Variants in BANK1 observed in about 807,000 individuals in gnomAD.
BANK1 encodes B cell scaffold protein with ankyrin repeats 1, also known as B-cell scaffold protein with ankyrin repeats.
In BANK1, 95 loss-of-function variants were observed where a neutral mutation model predicts 94.5. The observed-to-expected ratio is 1.00, with a 90% CI of 0.85 to 1.19. The LOEUF (loss-of-function observed/expected upper bound fraction) is 1.19. Among genes scored for constraint, BANK1 ranks in the 50% most tolerant of loss-of-function variants. The pLI, the probability that BANK1 is intolerant of heterozygous loss-of-function variation, is 0.00. For missense variants in BANK1, 987 were observed against 932.2 expected, an observed-to-expected ratio of 1.06 and a Z score of -0.77; for synonymous variants, 334 against 308.4, an observed-to-expected ratio of 1.08 and a Z score of -0.87.
At chr4:102,032,353 CTGT>C in intron 10 of BANK1, 1 of 152,156 alleles carries the variant, frequency 6.6e-6, no homozygotes, top group Non-Finnish European at 1.5e-5. Context: ...GTCTTGTTCT[CTGT>C]TGTTCTTTTT....
chr4:101,953,639 T>A (rs1241144428), intron 7 of BANK1, among the ~76,000 whole-genome samples: 1 of 152,072 alleles, frequency 6.6e-6, no homozygotes, highest in Non-Finnish European at 1.5e-5. Context: ...CCTGACTTGA[T>A]GCTCACTTCA....
chr4:101,929,529 T>C (rs1221010478), intron 7 of BANK1, among the ~76,000 whole-genome samples: 1 of 151,628 alleles, frequency 6.6e-6, no homozygotes, highest in Non-Finnish European at 1.5e-5. Context: ...GTATATGGCT[T>C]TCAAAACGAA....
intron 1 of BANK1, among the ~76,000 whole-genome samples, chr4:101,797,190 A>G (rs1226245504): frequency 1.3e-5 from 2 of 152,098 alleles, no homozygotes; most frequent in African/African-American, 4.8e-5. Flanking sequence ...AGTGACAGGA[A>G]CAAATTAATA....
chr4:102,053,076 A>T (rs551412113), intron 11 of BANK1, among the ~76,000 whole-genome samples: 176 of 152,368 alleles, frequency 1.2e-3, no homozygotes, highest in African/African-American at 4.0e-3. Flanking sequence ...TAAATCAGTG[A>T]CGTAGAGAAC....
chr4:101,831,173 T>C (rs1416362184), intron 2 of BANK1, among the ~76,000 whole-genome samples: 1 of 152,100 alleles, frequency 6.6e-6, no homozygotes, highest in Admixed American at 6.5e-5. Flanking sequence ...AACCTTCCTT[T>C]ATCTTCATTT....
intron 11 of BANK1, among the ~76,000 whole-genome samples, chr4:102,059,269 TC>T (rs1728334847): frequency 6.6e-6 from 1 of 152,164 alleles, no homozygotes; most frequent in Admixed American, 6.6e-5. Flanking sequence ...CTGGCTATTC[TC>T]TCCTTTCAGA....
At chr4:102,046,120 G>T (rs1245886208) in intron 11 of BANK1, among the ~76,000 whole-genome samples, 1 of 151,252 alleles carries the variant, frequency 6.6e-6, no homozygotes, top group Non-Finnish European at 1.5e-5. Context: ...ACAGAACAGA[G>T]CCCTCAGAAA....
At chr4:101,799,083 T>C (rs1303202376) in intron 1 of BANK1, among the ~76,000 whole-genome samples, 2 of 152,226 alleles carry the variant, frequency 1.3e-5, no homozygotes, top group African/African-American at 4.8e-5. Flanking sequence ...TCTCAGGTTT[T>C]TACGGTTTTA....
intron 6 of BANK1, among the ~76,000 whole-genome samples, chr4:101,898,606 G>A (rs1338975104): frequency 1.3e-5 from 2 of 152,018 alleles, no homozygotes; most frequent in Non-Finnish European, 2.9e-5. Context: ...CCTACCGTAA[G>A]GATTTGTCAT....
intron 7 of BANK1, among the ~76,000 whole-genome samples, chr4:101,940,161 C>G (rs1723694719): frequency 6.6e-6 from 1 of 151,190 alleles, no homozygotes; most frequent in Admixed American, 6.6e-5. Flanking sequence ...ACTTATTTCT[C>G]TAGATAAATG....
chr4:101,790,737 G>A lies in BANK1; in HGVS notation c.-144G>A. 1 of 889,836 alleles carries A rather than the reference G, an allele frequency of 1.1e-6. No homozygotes were observed. Among genetic ancestry groups the A allele is most frequent in the South Asian group, 1.5e-5 (1 of 66,848 alleles). The allele number at this position is 889,836 out of a possible 1,614,324, so 55.1% of individuals were successfully genotyped here. On this transcript the variant is annotated 5_prime_UTR_variant, in exon 1 of 17. Coordinates refer to ENST00000322953, the MANE Select transcript of BANK1 (RefSeq NM_017935.5). The stretch of plus-strand genomic sequence containing the variant: ...CCCGGGGCTGCGTTTCCTGAGACCT[G>A]GCCGCAGCCTCCGCGGGTGGCAAGC...
intron 7 of BANK1, among the ~76,000 whole-genome samples, chr4:101,936,413 A>G (rs1189098455): frequency 2.0e-5 from 3 of 150,334 alleles, no homozygotes; most frequent in African/African-American, 4.9e-5. Context: ...GTGCGTATGC[A>G]TGTATACATG....
At chr4:101,796,759 A>G (rs67800004) in intron 1 of BANK1, among the ~76,000 whole-genome samples, 1 of 151,976 alleles carries the variant, frequency 6.6e-6, no homozygotes, top group African/African-American at 2.4e-5. Flanking sequence ...ATTTTTACTT[A>G]TCTGAAAATT....
chr4:101,997,719 A>G (rs1459733134), intron 7 of BANK1, among the ~76,000 whole-genome samples: 1 of 152,086 alleles, frequency 6.6e-6, no homozygotes, highest in Non-Finnish European at 1.5e-5. Context: ...AGAGGTGTTT[A>G]TAGTATTCTC....
At chr4:101,952,903 G>A (rs560703801) in intron 7 of BANK1, among the ~76,000 whole-genome samples, 36 of 152,226 alleles carry the variant, frequency 2.4e-4, no homozygotes, top group African/African-American at 8.4e-4. Flanking sequence ...AACAAAACCA[G>A]TAATTTTGAC....
chr4:102,060,269 T>C lies in BANK1; in HGVS notation c.2028T>C (p.Gly676=), dbSNP rs768071770. 2.5e-5 allele frequency: 40 copies of C among 1,608,698 alleles called. No homozygotes were observed. Among genetic ancestry groups the C allele is most frequent in the Non-Finnish European group, 3.3e-5 (39 of 1,178,254 alleles). The change falls in exon 12 of 17, where the codon GGT becomes GGC. Residue 676 remains glycine, a synonymous_variant. Coordinates refer to ENST00000322953, the MANE Select transcript of BANK1 (RefSeq NM_017935.5). ...CTCTCAGGGGCTGTCTAACTGATGG[T>C]CAGGAAGAACTCATCCTCCTGCAGG... ...FSTLRGCLTD[G]QEELILLQEK... is the part of the protein sequence containing the mutation.
At position 101,830,233 on chromosome 4, in the gene BANK1, T is replaced by A. The variant is rs779717055; in HGVS notation, c.469+27T>A. 3 of 1,425,124 alleles carry A rather than the reference T, an allele frequency of 2.1e-6. No individual in the cohort carries two copies. In the South Asian group the frequency reaches 4.7e-5, roughly 22 times the overall value. 88.3% of individuals were successfully genotyped at this position (1,425,124 alleles called of 1,614,324 possible). A position where few individuals can be genotyped will look rare whatever the true frequency, so the allele number is the denominator to read the frequency against. ...TAGTGTTGCCAAACCTTGTTTGTTT[T>A]ATTTTTATTTGTTTTTTTTTTTTTG... On this transcript the variant is annotated intron_variant, in intron 2 of 16. Transcript: ENST00000322953.
At chr4:102,046,212 A>C (rs1305976545) in intron 11 of BANK1, among the ~76,000 whole-genome samples, 1 of 152,008 alleles carries the variant, frequency 6.6e-6, no homozygotes, top group East Asian at 1.9e-4. Context: ...CTATTTAATA[A>C]ATGGTGCTGG....
chr4:101,831,505 C>T (rs927281025), intron 2 of BANK1, among the ~76,000 whole-genome samples: 11 of 152,266 alleles, frequency 7.2e-5, no homozygotes, highest in Admixed American at 2.6e-4. Flanking sequence ...GACAGAGTCT[C>T]GCTCTGTCAT....
Sources: allele counts gnomAD v4.1 joint callset (sites outside exome capture counted in the v4.1 genomes callset), GRCh38; gene constraint gnomAD v4.1.1; transcripts MANE v1.5; gene names NCBI Gene and HGNC (gene_info 2026-07-23, HGNC 2026-07-21).